The following OTOGL variants were observed in gnomAD, a reference collection of about 807,000 sequenced individuals.
OTOGL encodes otogelin like, also known as otogelin-like protein.
A neutral mutation model predicts 318.5 loss-of-function variants in OTOGL; 285 were observed. That is an observed-to-expected ratio of 0.89 (90% CI 0.81 to 0.99). The LOEUF is 0.99. OTOGL is among the 50% of genes least tolerant of loss of function. The pLI is 0.00. For missense variants in OTOGL, 2,899 were observed against 2,845.6 expected (o/e 1.02, Z -0.43); for synonymous variants, 987 against 936.5 (o/e 1.05, Z -0.99).
At position 80,178,457 on chromosome 12, in the gene OTOGL, AG is replaced by A. The variant is rs540787367; in HGVS notation, c.-19-30955del. Among the ~76,000 whole-genome samples, 823 of 152,282 alleles carry A rather than the reference AG, an allele frequency of 5.4e-3. 7 individuals are homozygous for A. The highest frequency in any genetic ancestry group is 0.01 in the Admixed American group (158 of 15,292). ...AAATCAATACTCAAATGAATACTCA[AG>A]AGGCACCTTTTGCAGATCTTTCTGT... On this transcript the variant is annotated intron_variant, in intron 1 of 58. Transcript: ENST00000547103.
intron 9 of OTOGL, among the ~76,000 whole-genome samples, chr12:80,236,107 T>C (rs1159092872): frequency 6.6e-6 from 1 of 152,216 alleles, no homozygotes; most frequent in Non-Finnish European, 1.5e-5. Context: ...GCATTCCAAC[T>C]CATCCTTCAG....
intron 1 of OTOGL, among the ~76,000 whole-genome samples, chr12:80,103,881 T>C (rs1388513185): frequency 6.6e-6 from 1 of 152,252 alleles, no homozygotes; most frequent in African/African-American, 2.4e-5. Flanking sequence ...TGAGAACTGA[T>C]AACTTTTGCC....
At position 80,323,819 on chromosome 12, in the gene OTOGL, T is replaced by G; in HGVS notation, c.4178T>G (p.Leu1393Arg). 4 of 1,612,140 alleles carry G rather than the reference T, an allele frequency of 2.5e-6. No individual in the cohort carries two copies. The South Asian group carries it at 3.3e-5, about 13-fold the overall frequency. ...CFKTCSDPEA[L>R]ACKFLPPVEG... ...AAAACATGTAGTGACCCTGAAGCAC[T>G]AGCATGTAAATTTCTTCCACCGTAA... is the stretch of plus-strand genomic sequence containing the variant. Residue 1393 changes from leucine to arginine, a missense_variant, in exon 35 of 59, where the codon CTA (leucine) becomes CGA (arginine). By Grantham distance (102) the Leu-to-Arg change is moderately radical. Around this residue, in one of 3 missense-constraint regions of OTOGL, gnomAD observed 2,607 missense variants for 2,524.9 expected, o/e 1.03. Transcript: ENST00000547103.
chr12:80,304,963 C>T (rs890432740), intron 28 of OTOGL, among the ~76,000 whole-genome samples: 3 of 152,154 alleles, frequency 2.0e-5, no homozygotes, highest in African/African-American at 7.2e-5. Flanking sequence ...CCACTTATTA[C>T]CATGGGACCT....
rs762801165 is a variant in OTOGL, at chr12:80,239,336, ATCT to A, written c.955_957del (p.Phe319del). 9 of 1,602,136 alleles carry A rather than the reference ATCT, an allele frequency of 5.6e-6. No homozygotes were observed. The East Asian group carries it at 1.8e-4, about 32-fold the overall frequency. On this transcript the variant is annotated inframe_deletion, in exon 11 of 59. Coordinates refer to ENST00000547103, the MANE Select transcript of OTOGL (RefSeq NM_001378609.3). ...ACTGCCATCTTTTTTTGCACAGGCA[ATCT>A]TCTTCAAGTGTCAGATACTGTTGCA...
chr12:80,308,374 G>T (rs1268894267), intron 29 of OTOGL, among the ~76,000 whole-genome samples: 7 of 151,898 alleles, frequency 4.6e-5, no homozygotes, highest in African/African-American at 9.7e-5. Flanking sequence ...GGACGGGGCG[G>T]CAGGGCAGAG....
chr12:80,239,303 G>A (rs1880156102), intron 10 of OTOGL, 30 bp from the exon 11 acceptor site: 1 of 1,474,602 alleles, frequency 6.8e-7, no homozygotes, highest in South Asian at 1.2e-5. Context: ...ATGAAACATA[G>A]TCTAGTGACT....
chr12:80,346,802 G>C (rs1247550407), intron 44 of OTOGL, among the ~76,000 whole-genome samples: 1 of 152,178 alleles, frequency 6.6e-6, no homozygotes, highest in Non-Finnish European at 1.5e-5. Context: ...AGACATTTGG[G>C]ATGTGGAAGG....
intron 1 of OTOGL, among the ~76,000 whole-genome samples, chr12:80,146,859 G>A (rs1476461865): frequency 6.6e-6 from 1 of 151,982 alleles, no homozygotes; most frequent in African/African-American, 2.4e-5. Flanking sequence ...GGTGTTTGTA[G>A]TATTCTCTGA....
chr12:80,367,753 G>C lies in OTOGL; in HGVS notation c.6510+14G>C. 7.4e-7 allele frequency: 1 copy of C among 1,352,436 alleles called. No homozygotes were observed. Among genetic ancestry groups the C allele is most frequent in the Non-Finnish European group, 9.7e-7 (1 of 1,031,710 alleles). 83.8% of individuals were successfully genotyped at this position (1,352,436 alleles called of 1,614,324 possible). On this transcript the variant is annotated intron_variant, in intron 54 of 58. Transcript: ENST00000547103. ...AAATGTGATGTTGTAAGTATTCCTT[G>C]TAATTTATTCTGGTGAGAGTTAATG...
At chr12:80,289,224 G>A (rs1002208760) in intron 26 of OTOGL, among the ~76,000 whole-genome samples, 5 of 152,142 alleles carry the variant, frequency 3.3e-5, no homozygotes, top group African/African-American at 1.2e-4. Context: ...TACCTGCGGA[G>A]GCTGCAGAAC....
intron 38 of OTOGL, 151 bp from the exon 39 acceptor site, chr12:80,335,812 A>C: frequency 1.6e-6 from 1 of 606,952 alleles, no homozygotes; most frequent in Non-Finnish European, 2.5e-6. Context: ...TACATCAATA[A>C]AAAGTTGCAG....
At chr12:80,336,168 C>CTTT (rs200450365) in intron 39 of OTOGL, 28 bp downstream of exon 39, 17 of 1,352,496 alleles carry the variant, frequency 1.3e-5, no homozygotes, top group South Asian at 1.2e-4. Flanking sequence ...AAGCGGTGAT[C>CTTT]TTTTTTTTTT....
At chr12:80,209,170 G>A (rs1877043826) in intron 1 of OTOGL, among the ~76,000 whole-genome samples, 1 of 152,130 alleles carries the variant, frequency 6.6e-6, no homozygotes, top group Non-Finnish European at 1.5e-5. Context: ...ATGATGTGCA[G>A]GTGTGGGTGT....
intron 26 of OTOGL, among the ~76,000 whole-genome samples, chr12:80,282,209 T>A (rs1884284006): frequency 6.6e-6 from 1 of 151,884 alleles, no homozygotes; most frequent in African/African-American, 2.4e-5. Context: ...TCCAGCAAAC[T>A]AACCTATGAT....
rs1268032509 is a variant in OTOGL at position 80,265,299 on chromosome 12, T to C, written c.2224+89T>C. On this transcript the variant is annotated intron_variant, in intron 20 of 58. Transcript: ENST00000547103. The stretch of plus-strand genomic sequence containing the variant: ...GACTGCTTTTATTTTTTAAATGAAA[T>C]GTCAATATTGCATGTAAGTTATTTG... 3.8e-5 allele frequency: 46 copies of C among 1,220,268 alleles called. No homozygotes were observed. In the South Asian group the frequency reaches 6.1e-4, roughly 16 times the overall value. The allele number at this position is 1,220,268 out of a possible 1,614,324, so 75.6% of individuals were successfully genotyped here.
chr12:80,365,507 T>TA (rs1487269014), intron 52 of OTOGL, among the ~76,000 whole-genome samples: 1 of 152,100 alleles, frequency 6.6e-6, no homozygotes, highest in Admixed American at 6.6e-5. Context: ...CTTTAACTAT[T>TA]AAAAAACAGG....
intron 18 of OTOGL, among the ~76,000 whole-genome samples, chr12:80,261,604 G>C (rs1300309205): frequency 6.6e-6 from 1 of 152,084 alleles, no homozygotes; most frequent in Non-Finnish European, 1.5e-5. Context: ...GGTTGTGTGA[G>C]TGTATGTGGT....
chr12:80,134,960 T>C (rs539272200), intron 1 of OTOGL, among the ~76,000 whole-genome samples: 8 of 152,276 alleles, frequency 5.3e-5, no homozygotes, highest in African/African-American at 1.9e-4. Flanking sequence ...ATCTTGGGCG[T>C]CTTCTAATCT....
Sources: allele counts gnomAD v4.1 joint callset (sites outside exome capture counted in the v4.1 genomes callset), GRCh38; gene constraint gnomAD v4.1.1; regional missense constraint gnomAD v4.1.1; transcripts MANE v1.5; gene names NCBI Gene and HGNC (gene_info 2026-07-23, HGNC 2026-07-21).